The following CHD7 variants were observed in gnomAD, a reference collection of about 807,000 sequenced individuals.
CHD7 encodes ATP-dependent chromatin remodeler CHD7.
CHD7 carries 24 observed loss-of-function variants against 307.3 expected under a neutral mutation model. That is an observed-to-expected ratio of 0.08 (90% CI 0.06 to 0.11). CHD7 has a LOEUF of 0.11. CHD7 is among the 10% of genes least tolerant of loss of function. The pLI is 1.00. For missense variants in CHD7, 3,106 were observed against 3,727.1 expected (o/e 0.83, Z 4.34); for synonymous variants, 1,363 against 1,349.9 (o/e 1.01, Z -0.21).
intron 14 of CHD7, among the ~76,000 whole-genome samples, chr8:60,829,726 T>C (rs910074526): frequency 1.3e-5 from 2 of 152,238 alleles, no homozygotes; most frequent in African/African-American, 4.8e-5. Context: ...AAATCTTGGT[T>C]TTTACGTGCC....
At position 60,793,049 on chromosome 8, in the gene CHD7, C is replaced by T. The variant is rs554642483; in HGVS notation, c.2097-1937C>T. ...AAAGAGCAGGTGCTGGTCATGTGAC[C>T]GCTGGTTACCAGGGTAATCTGATTG... On this transcript the variant is annotated intron_variant, in intron 3 of 37. Coordinates refer to ENST00000423902, the MANE Select transcript of CHD7 (RefSeq NM_017780.4). 3.1e-3 allele frequency among the ~76,000 whole-genome samples: 472 copies of T among 152,250 alleles called. 4 individuals are homozygous for T. The highest frequency in any genetic ancestry group is 4.3e-3 in the Non-Finnish European group (290 of 68,002).
intron 1 of CHD7, 128 bp from the exon 2 acceptor site, chr8:60,741,131 C>T (rs969605131): frequency 2.9e-5 from 11 of 376,598 alleles, no homozygotes; most frequent in African/African-American, 6.1e-5. Context: ...TACAGCTCAG[C>T]GAGGGAGCTA....
intron 34 of CHD7, among the ~76,000 whole-genome samples, chr8:60,857,218 G>A (rs1251849528): frequency 6.6e-6 from 1 of 152,168 alleles, no homozygotes; most frequent in African/African-American, 2.4e-5. Flanking sequence ...TCATTGATAT[G>A]TTTTAGGCCT....
chr8:60,790,037 C>G (rs906478403), intron 3 of CHD7, among the ~76,000 whole-genome samples: 6 of 152,190 alleles, frequency 3.9e-5, no homozygotes, highest in Admixed American at 6.5e-5. Context: ...CAGTGTAACC[C>G]AATTCTCATC....
At chr8:60,715,868 A>G (rs929163904) in intron 1 of CHD7, among the ~76,000 whole-genome samples, 3 of 152,216 alleles carry the variant, frequency 2.0e-5, no homozygotes, top group African/African-American at 4.8e-5. Flanking sequence ...TAATACCACT[A>G]TGTATATGGA....
intron 7 of CHD7, chr8:60,809,028 T>C: frequency 6.6e-6 from 1 of 152,190 alleles, no homozygotes. Context: ...ACCACCATAT[T>C]AATACATTCT....
chr8:60,758,563 A>G (rs1810008102), intron 2 of CHD7, among the ~76,000 whole-genome samples: 1 of 152,240 alleles, frequency 6.6e-6, no homozygotes, highest in African/African-American at 2.4e-5. Context: ...TTATTATTGT[A>G]AATAAACACC....
intron 2 of CHD7, among the ~76,000 whole-genome samples, chr8:60,744,561 A>G (rs894614077): frequency 2.0e-5 from 3 of 148,644 alleles, no homozygotes; most frequent in Admixed American, 1.4e-4. Context: ...AAGAAAAAAA[A>G]AGTATTTTAG....
chr8:60,750,109 A>T (rs1221344211), intron 2 of CHD7, among the ~76,000 whole-genome samples: 1 of 152,240 alleles, frequency 6.6e-6, no homozygotes, highest in African/African-American at 2.4e-5. Context: ...TTTATTTTGT[A>T]AAAGAGTATT....
At chr8:60,835,002 G>A (rs951893778) in intron 15 of CHD7, among the ~76,000 whole-genome samples, 1 of 152,138 alleles carries the variant, frequency 6.6e-6, no homozygotes, top group Non-Finnish European at 1.5e-5. Context: ...TAAGTTTCTG[G>A]CACAGTTAAA....
At chr8:60,836,671 A>G (rs1804756191) in intron 16 of CHD7, 146 bp from the exon 17 acceptor site, 1 of 552,846 alleles carries the variant, frequency 1.8e-6, no homozygotes, top group Admixed American at 3.7e-5. Context: ...ACGCCAATAA[A>G]CCCTATTTGC....
chr8:60,815,956 T>C (rs1803718156), intron 7 of CHD7, among the ~76,000 whole-genome samples: 1 of 152,238 alleles, frequency 6.6e-6, no homozygotes, highest in Admixed American at 6.5e-5. Context: ...GATAAAAACC[T>C]ATTTCTCAAT....
At chr8:60,858,996 A>G (rs976702506) in intron 34 of CHD7, among the ~76,000 whole-genome samples, 2 of 152,238 alleles carry the variant, frequency 1.3e-5, no homozygotes, top group Non-Finnish European at 2.9e-5. Flanking sequence ...TACACATTCT[A>G]TTTTAAATCT....
chr8:60,773,004 C>G (rs1810783361), intron 2 of CHD7, among the ~76,000 whole-genome samples: 2 of 152,198 alleles, frequency 1.3e-5, no homozygotes, highest in African/African-American at 4.8e-5. Context: ...TGGGTTATTG[C>G]TCTTGTTCTG....
intron 1 of CHD7, among the ~76,000 whole-genome samples, chr8:60,715,326 C>CTTT (rs11376102): frequency 7.9e-5 from 10 of 125,876 alleles, no homozygotes; most frequent in African/African-American, 2.5e-4. Context: ...AGGGCTCTGC[C>CTTT]TTTTTTTTTT....
At chr8:60,802,766 A>G (rs751059165) in intron 6 of CHD7, among the ~76,000 whole-genome samples, 1 of 152,232 alleles carries the variant, frequency 6.6e-6, no homozygotes, top group Non-Finnish European at 1.5e-5. Context: ...CAGGCTTATC[A>G]AATAGGAAAC....
intron 1 of CHD7, among the ~76,000 whole-genome samples, chr8:60,737,916 C>G (rs1808790368): frequency 6.6e-6 from 1 of 152,198 alleles, no homozygotes; most frequent in Non-Finnish European, 1.5e-5. Flanking sequence ...ATTCACAGAT[C>G]TCTCTCCAGC....
chr8:60,682,001 T>A (rs962681377), intron 1 of CHD7, among the ~76,000 whole-genome samples: 1 of 152,224 alleles, frequency 6.6e-6, no homozygotes, highest in Non-Finnish European at 1.5e-5. Flanking sequence ...CTTTTATATG[T>A]CTTAACATGG....
intron 1 of CHD7, among the ~76,000 whole-genome samples, chr8:60,717,816 T>G (rs1807685606): frequency 6.6e-6 from 1 of 152,220 alleles, no homozygotes; most frequent in Non-Finnish European, 1.5e-5. Context: ...ACAAACCTAC[T>G]GTATTGCTGG....
Sources: gnomAD v4.1 joint callset for allele counts (sites outside exome capture counted in the v4.1 genomes callset) on GRCh38, gnomAD v4.1.1 for gene constraint, MANE v1.5 for transcripts, NCBI Gene and HGNC (gene_info 2026-07-23, HGNC 2026-07-21) for gene names.